The following ACVR1C variants were observed in gnomAD, a reference collection of about 807,000 sequenced individuals.
The protein encoded by ACVR1C is activin receptor type-1C.
Under a neutral mutation model 57.9 loss-of-function variants are expected in ACVR1C, and 23 were observed. That is an observed-to-expected ratio of 0.40 (90% CI 0.29 to 0.56). ACVR1C has a LOEUF of 0.56. Ranked by LOEUF, ACVR1C falls within the 20% of genes least tolerant of loss-of-function variation. ACVR1C has a pLI of 0.50. For synonymous variants in ACVR1C, 214 were observed against 215.3 expected (o/e 0.99, Z 0.05); for missense variants, 480 against 607.9 (o/e 0.79, Z 2.21).
intron 1 of ACVR1C, among the ~76,000 whole-genome samples, chr2:157,620,997 G>T (rs560001331): frequency 7.9e-5 from 12 of 152,114 alleles, no homozygotes; most frequent in Admixed American, 6.5e-4. Context: ...TTTCAAAATG[G>T]GAGCATCCTA....
chr2:157,554,619 A>T (rs956279855), intron 3 of ACVR1C, among the ~76,000 whole-genome samples: 12 of 152,296 alleles, frequency 7.9e-5, no homozygotes, highest in African/African-American at 2.2e-4. Flanking sequence ...CCCCAGAAGG[A>T]GCGAACTATC....
chr2:157,535,092 C>G (rs889092292), intron 8 of ACVR1C, among the ~76,000 whole-genome samples: 1 of 147,270 alleles, frequency 6.8e-6, no homozygotes, highest in Non-Finnish European at 1.5e-5. Context: ...CTGCAGTGTG[C>G]CATGATCACA....
intron 1 of ACVR1C, among the ~76,000 whole-genome samples, chr2:157,624,692 A>G (rs2105161732): frequency 6.6e-6 from 1 of 152,340 alleles, no homozygotes; most frequent in South Asian, 2.1e-4. Context: ...GGAGATGCAC[A>G]TGAAGACAGT....
chr2:157,618,878 C>T (rs754270611), intron 1 of ACVR1C, among the ~76,000 whole-genome samples: 1 of 150,806 alleles, frequency 6.6e-6, no homozygotes, highest in African/African-American at 2.4e-5. Context: ...TACCCAAGAA[C>T]AAAATATTCA....
At chr2:157,577,057 T>C (rs529791986) in intron 2 of ACVR1C, among the ~76,000 whole-genome samples, 963 of 50,528 alleles carry the variant, frequency 0.019, 251 homozygotes, top group Non-Finnish European at 0.031. Context: ...GGGTTTCACC[T>C]TGTTAGCCAG....
chr2:157,607,108 A>G (rs1682418076), intron 1 of ACVR1C, among the ~76,000 whole-genome samples: 1 of 151,892 alleles, frequency 6.6e-6, no homozygotes, highest in Non-Finnish European at 1.5e-5. Context: ...GCTTTTTTGA[A>G]GATCAGTTGG....
chr2:157,615,780 G>T (rs1044638241), intron 1 of ACVR1C, among the ~76,000 whole-genome samples: 2 of 152,032 alleles, frequency 1.3e-5, no homozygotes, highest in Admixed American at 1.3e-4. Context: ...CAATAGGACT[G>T]TTCTTGTAAA....
chr2:157,614,540 T>C (rs1338099274), intron 1 of ACVR1C, among the ~76,000 whole-genome samples: 1 of 152,206 alleles, frequency 6.6e-6, no homozygotes, highest in Non-Finnish European at 1.5e-5. Flanking sequence ...TTTTTAGATT[T>C]TGTATATCCT....
intron 3 of ACVR1C, among the ~76,000 whole-genome samples, chr2:157,554,201 G>GAGAGAGAGAGAGAAAGAAAGAAAGAA (rs1553481316): frequency 7.2e-5 from 3 of 41,446 alleles, no homozygotes; most frequent in African/African-American, 4.3e-4. Context: ...ATAAAGAAGA[G>GAGAGAGAGAGAGAAAGAAAGAAAGAA]AGAAAGAAAG....
intron 1 of ACVR1C, 87 bp downstream of exon 1, chr2:157,628,485 C>A: frequency 1.4e-6 from 2 of 1,446,184 alleles, no homozygotes; most frequent in Non-Finnish European, 1.9e-6. Flanking sequence ...GCTCGGAGCA[C>A]CCCCTGTCCC....
chr2:157,574,077 C>A (rs1688588629), intron 2 of ACVR1C, among the ~76,000 whole-genome samples: 1 of 152,236 alleles, frequency 6.6e-6, no homozygotes, highest in African/African-American at 2.4e-5. Flanking sequence ...TAGCATGAGA[C>A]TTCAAGGATG....
At chr2:157,612,768 A>G (rs1249355144) in intron 1 of ACVR1C, among the ~76,000 whole-genome samples, 1 of 152,182 alleles carries the variant, frequency 6.6e-6, no homozygotes, top group Non-Finnish European at 1.5e-5. Flanking sequence ...AGGAGCACAC[A>G]ACGCTTTTGG....
intron 1 of ACVR1C, among the ~76,000 whole-genome samples, chr2:157,624,802 T>A (rs1280040100): frequency 6.6e-6 from 1 of 152,174 alleles, no homozygotes; most frequent in African/African-American, 2.4e-5. Context: ...GCATCAGGAA[T>A]GGTTTATCTC....
intron 1 of ACVR1C, among the ~76,000 whole-genome samples, chr2:157,603,827 A>C (rs1312205788): frequency 6.6e-6 from 1 of 152,160 alleles, no homozygotes; most frequent in Non-Finnish European, 1.5e-5. Context: ...CCTTACTTTC[A>C]AAGAAGTTAT....
intron 1 of ACVR1C, among the ~76,000 whole-genome samples, chr2:157,625,460 A>C (rs1682874499): frequency 6.6e-6 from 1 of 152,190 alleles, no homozygotes; most frequent in East Asian, 1.9e-4. Context: ...ATAAATGACT[A>C]TGCTTAAAGA....
intron 1 of ACVR1C, among the ~76,000 whole-genome samples, chr2:157,601,670 T>C (rs1272195417): frequency 1.3e-5 from 2 of 152,166 alleles, no homozygotes; most frequent in African/African-American, 2.4e-5. Flanking sequence ...AGTTTAACAT[T>C]GTTGGAATTC....
chr2:157,578,693 A>G (rs574139383), intron 2 of ACVR1C, among the ~76,000 whole-genome samples: 4 of 152,292 alleles, frequency 2.6e-5, no homozygotes, highest in African/African-American at 9.6e-5. Flanking sequence ...TTCTTTAAAA[A>G]TATTTTTGCT....
At chr2:157,558,937 A>G (rs552099970) in intron 2 of ACVR1C, among the ~76,000 whole-genome samples, 44 of 152,364 alleles carry the variant, frequency 2.9e-4, no homozygotes, top group African/African-American at 1.1e-3. Flanking sequence ...TCTTACATAA[A>G]CATCTATTTA....
At chr2:157,540,006 G>A (rs1020883623) in intron 7 of ACVR1C, among the ~76,000 whole-genome samples, 13 of 152,270 alleles carry the variant, frequency 8.5e-5, no homozygotes, top group Non-Finnish European at 1.3e-4. Context: ...ACTACAAAGT[G>A]CAGAAAAAAG....
Sources: gnomAD v4.1 joint callset for allele counts (sites outside exome capture counted in the v4.1 genomes callset) on GRCh38, gnomAD v4.1.1 for gene constraint, MANE v1.5 for transcripts, NCBI Gene and HGNC (gene_info 2026-07-23, HGNC 2026-07-21) for gene names.